The following FSTL4 variants were observed in gnomAD, a reference collection of about 807,000 sequenced individuals.
FSTL4 encodes follistatin like 4, also known as follistatin-related protein 4.
FSTL4 carries 28 observed loss-of-function variants against 78.2 expected under a neutral mutation model. That is an observed-to-expected ratio of 0.36 (90% CI 0.27 to 0.49). The LOEUF (loss-of-function observed/expected upper bound fraction) is 0.49. Among genes scored for constraint, FSTL4 ranks in the 20% least tolerant of loss-of-function variants. The pLI is 0.98. For missense variants in FSTL4, 922 were observed against 1,084.9 expected (o/e 0.85, Z 2.11); for synonymous variants, 422 against 440.5 (o/e 0.96, Z 0.53).
intron 3 of FSTL4, among the ~76,000 whole-genome samples, chr5:133,439,069 G>GA (rs35898331): frequency 2.0e-5 from 3 of 152,180 alleles, no homozygotes; most frequent in African/African-American, 7.2e-5. Flanking sequence ...AGGAAACTTG[G>GA]ACAGAGAAAT....
rs138439021 is a variant in FSTL4, at chr5:133,579,220, G to C, written c.127-12001C>G. Among the ~76,000 whole-genome samples, 767 of 152,320 alleles carry C rather than the reference G, an allele frequency of 5.0e-3. 4 individuals carry two copies. The highest frequency in any genetic ancestry group is 0.017 in the African/African-American group (691 of 41,580). ...ATGTCTTACTGCAGCACAGCGCCTG[G>C]CGTAGCGTAGGCCCTAAACACATTC... On this transcript the variant is annotated intron_variant, in intron 2 of 15. Coordinates refer to ENST00000265342, the MANE Select transcript of FSTL4 (RefSeq NM_015082.2).
intron 6 of FSTL4, among the ~76,000 whole-genome samples, chr5:133,284,226 C>A (rs1403044436): frequency 2.6e-5 from 4 of 152,240 alleles, no homozygotes; most frequent in Admixed American, 6.5e-5. Context: ...GCCCCAACCT[C>A]AGAGAGACCA....
At chr5:133,528,071 G>T (rs539824522) in intron 3 of FSTL4, among the ~76,000 whole-genome samples, 1 of 152,338 alleles carries the variant, frequency 6.6e-6, no homozygotes, top group East Asian at 1.9e-4. Flanking sequence ...CAGGGATTTG[G>T]TTCAGGTGTA....
intron 4 of FSTL4, among the ~76,000 whole-genome samples, chr5:133,395,211 G>T (rs189095999): frequency 1.3e-5 from 2 of 152,212 alleles, no homozygotes; most frequent in Non-Finnish European, 2.9e-5. Context: ...TTGTTCTTTC[G>T]CTCTTTGCAA....
rs1038247363 is a variant in FSTL4 at position 133,339,836 on chromosome 5, C to T, written c.410-23184G>A. On this transcript the variant is annotated intron_variant, in intron 4 of 15. Transcript: ENST00000265342. The stretch of plus-strand genomic sequence containing the variant: ...AAACCATGACAAATAAATCCAAGTG[C>T]GAGGTGCTCTAGCTGAGAGCTCTGC... Among the ~76,000 whole-genome samples the T allele has an allele frequency of 9.2e-5, 14 of 152,288 alleles. No individual in the cohort carries two copies. The East Asian group carries it at 1.4e-3, about 15-fold the overall frequency.
At chr5:133,496,666 C>A (rs10057801) in intron 3 of FSTL4, among the ~76,000 whole-genome samples, 3,204 of 152,258 alleles carry the variant, frequency 0.021, 120 homozygotes, top group African/African-American at 0.073. Flanking sequence ...ATAGGAAATG[C>A]GGACACGAGG....
At chr5:133,579,029 T>C (rs1214469489) in intron 2 of FSTL4, among the ~76,000 whole-genome samples, 1 of 152,238 alleles carries the variant, frequency 6.6e-6, no homozygotes, top group Non-Finnish European at 1.5e-5. Context: ...CTCAGCACCC[T>C]GAGGAACAAC....
intron 6 of FSTL4, among the ~76,000 whole-genome samples, chr5:133,281,231 G>A (rs1207380763): frequency 6.6e-6 from 1 of 152,110 alleles, no homozygotes; most frequent in Admixed American, 6.5e-5. Context: ...TTTGTGATCT[G>A]CATTAATGGC....
chr5:133,804,722 A>G, the FSTL4 span, among the ~76,000 whole-genome samples: 3 of 151,798 alleles, frequency 2.0e-5, no homozygotes, highest in African/African-American at 4.8e-5. Context: ...AGGCAGGTGT[A>G]TCATGAGGTC....
intron 3 of FSTL4, among the ~76,000 whole-genome samples, chr5:133,526,811 T>C (rs1289263713): frequency 1.3e-5 from 2 of 152,174 alleles, no homozygotes; most frequent in African/African-American, 4.8e-5. Context: ...TCGGCCAACC[T>C]GGACAATTCA....
At chr5:133,797,806 C>A in the FSTL4 span, among the ~76,000 whole-genome samples, 3 of 152,264 alleles carry the variant, frequency 2.0e-5, no homozygotes, top group South Asian at 4.1e-4. Flanking sequence ...CCATCTCATA[C>A]CCTGAGCAGC....
At chr5:133,326,675 G>C (rs926378816) in intron 4 of FSTL4, among the ~76,000 whole-genome samples, 1 of 152,216 alleles carries the variant, frequency 6.6e-6, no homozygotes, top group Non-Finnish European at 1.5e-5. Context: ...CCAAGGCCCA[G>C]TTCCACAGAG....
intron 6 of FSTL4, among the ~76,000 whole-genome samples, chr5:133,252,646 G>A (rs1267691910): frequency 6.6e-6 from 1 of 152,120 alleles, no homozygotes; most frequent in African/African-American, 2.4e-5. Flanking sequence ...GGTAGGCTGG[G>A]GTTTCCTGGG....
intron 3 of FSTL4, among the ~76,000 whole-genome samples, chr5:133,417,023 G>A (rs1756591392): frequency 6.6e-6 from 1 of 152,116 alleles, no homozygotes; most frequent in Admixed American, 6.5e-5. Flanking sequence ...ATCCAAAATT[G>A]CGTACACAGA....
intron 6 of FSTL4, among the ~76,000 whole-genome samples, chr5:133,263,445 G>C (rs1040132668): frequency 6.6e-6 from 1 of 152,108 alleles, no homozygotes; most frequent in Admixed American, 6.5e-5. Context: ...CAGTGAGGAG[G>C]GTAGGGCTGA....
the FSTL4 span, among the ~76,000 whole-genome samples, chr5:133,684,004 G>A: frequency 6.6e-6 from 1 of 152,186 alleles, no homozygotes. Context: ...CATGCTAGAT[G>A]GCTATACTGC....
the FSTL4 span, among the ~76,000 whole-genome samples, chr5:133,654,680 C>G: frequency 7.3e-4 from 111 of 152,298 alleles, no homozygotes; most frequent in African/African-American, 1.9e-3. Flanking sequence ...CCTTCAAGGA[C>G]TCCCAGGGCT....
intron 4 of FSTL4, among the ~76,000 whole-genome samples, chr5:133,389,607 G>A (rs1028931504): frequency 3.9e-5 from 6 of 152,170 alleles, no homozygotes; most frequent in East Asian, 1.9e-4. Context: ...CATCTTCCTC[G>A]CCCCTGCTTT....
intron 6 of FSTL4, among the ~76,000 whole-genome samples, chr5:133,262,009 A>T (rs1015437336): frequency 7.9e-5 from 12 of 151,044 alleles, no homozygotes; most frequent in Non-Finnish European, 1.6e-4. Flanking sequence ...AAAAAAAAAA[A>T]GTGACAGAAT....
Sources: allele counts gnomAD v4.1 joint callset (sites outside exome capture counted in the v4.1 genomes callset), GRCh38; gene constraint gnomAD v4.1.1; transcripts MANE v1.5; gene names NCBI Gene and HGNC (gene_info 2026-07-23, HGNC 2026-07-21).